The following ITGB5 variants were observed in gnomAD, a reference collection of about 807,000 sequenced individuals.
The protein encoded by ITGB5 is integrin subunit beta 5.
In ITGB5, 38 loss-of-function variants were observed where a neutral mutation model predicts 84.8. The ratio of observed to expected loss-of-function variants is 0.45; its 90% CI spans 0.35 to 0.59. The LOEUF (loss-of-function observed/expected upper bound fraction) is 0.59, where lower values mean the gene tolerates loss of function less well. ITGB5 is among the 20% of genes least tolerant of loss of function. The pLI is 0.01. For missense variants in ITGB5, 905 were observed against 1,034.5 expected (o/e 0.87, Z 1.72); for synonymous variants, 393 against 414.4 (o/e 0.95, Z 0.63).
intron 9 of ITGB5, among the ~76,000 whole-genome samples, chr3:124,797,906 G>A (rs186070050): frequency 3.3e-5 from 5 of 151,926 alleles, no homozygotes; most frequent in Admixed American, 6.6e-5. Flanking sequence ...ACAGAGGCCC[G>A]GCCCACCCCA....
intron 13 of ITGB5, 124 bp downstream of exon 13, chr3:124,766,102 T>A: frequency 1.1e-5 from 9 of 822,786 alleles, no homozygotes; most frequent in Non-Finnish European, 1.7e-5. Context: ...GTATCCCTCC[T>A]CTCCCTGCAG....
At chr3:124,815,125 T>C (rs540205048) in intron 8 of ITGB5, among the ~76,000 whole-genome samples, 22 of 152,338 alleles carry the variant, frequency 1.4e-4, no homozygotes, top group African/African-American at 4.3e-4. Context: ...TGAGATCCCA[T>C]GCATGGAACC....
chr3:124,801,138 G>C (rs902454965), intron 9 of ITGB5, among the ~76,000 whole-genome samples: 1 of 152,168 alleles, frequency 6.6e-6, no homozygotes, highest in African/African-American at 2.4e-5. Context: ...GGAGTGGACG[G>C]GAGCGGGGAG....
chr3:124,769,338 A>G (rs2291084), intron 11 of ITGB5: 18,422 of 506,652 alleles, frequency 0.036, 994 homozygotes, highest in East Asian at 0.14. Context: ...TCTTGTCTAC[A>G]TGTCAGGTTG....
intron 8 of ITGB5, among the ~76,000 whole-genome samples, chr3:124,810,382 C>G (rs186826725): frequency 6.6e-6 from 1 of 152,190 alleles, no homozygotes; most frequent in African/African-American, 2.4e-5. Flanking sequence ...GTGTGTTTGG[C>G]CTTGGTGCTG....
At chr3:124,812,315 G>T (rs1012767129) in intron 8 of ITGB5, among the ~76,000 whole-genome samples, 1 of 152,198 alleles carries the variant, frequency 6.6e-6, no homozygotes, top group African/African-American at 2.4e-5. Context: ...ATGATGTTGG[G>T]AATGTCAGAA....
intron 1 of ITGB5, among the ~76,000 whole-genome samples, chr3:124,899,749 G>C (rs1935181043): frequency 6.7e-6 from 1 of 149,758 alleles, no homozygotes; most frequent in African/African-American, 2.5e-5. Flanking sequence ...CACCACTCAG[G>C]AGGCTGAAGT....
chr3:124,764,882 T>C (rs2063745063), intron 13 of ITGB5, among the ~76,000 whole-genome samples: 1 of 152,180 alleles, frequency 6.6e-6, no homozygotes, highest in South Asian at 2.1e-4. Flanking sequence ...AGCTTTCGTG[T>C]ACATGGTTTC....
At chr3:124,765,854 C>T (rs965537929) in intron 13 of ITGB5, among the ~76,000 whole-genome samples, 3 of 152,022 alleles carry the variant, frequency 2.0e-5, no homozygotes, top group East Asian at 1.9e-4. Flanking sequence ...CCCAGGAGTT[C>T]GAGACCAGCC....
At chr3:124,870,841 A>G (rs1933986803) in intron 2 of ITGB5, among the ~76,000 whole-genome samples, 1 of 152,164 alleles carries the variant, frequency 6.6e-6, no homozygotes, top group African/African-American at 2.4e-5. Flanking sequence ...AGACAGATGG[A>G]GACAGTCAGG....
rs1269880993 is a variant in ITGB5, at chr3:124,887,058, C to CGGGGCT, written c.-64_-59dup. On this transcript the variant is annotated 5_prime_UTR_variant, in exon 1 of 15. Coordinates refer to ENST00000296181, the MANE Select transcript of ITGB5 (RefSeq NM_002213.5). ...GCTGCACTCCGCGGGGGCCGGCGGCCGGGGCTGGGGCCGGAGCGCGGGGGC... is the reference window on the plus strand; with the variant it reads ...GCTGCACTCCGCGGGGGCCGGCGGCCGGGGCTGGGGCTGGGGCCGGAGCGCGGGGGC... 17 of 830,614 alleles carry CGGGGCT rather than the reference C, an allele frequency of 2.0e-5. No individual in the cohort carries two copies. Among genetic ancestry groups the CGGGGCT allele is most frequent in the African/African-American group, 3.7e-5 (2 of 53,646 alleles). 51.5% of individuals were successfully genotyped at this position (830,614 alleles called of 1,614,324 possible). A position where few individuals can be genotyped will look rare whatever the true frequency, so the allele number is the denominator to read the frequency against.
chr3:124,773,944 G>A, intron 10 of ITGB5, 32 bp from the exon 11 acceptor site: 1 of 1,593,286 alleles, frequency 6.3e-7, no homozygotes, highest in Non-Finnish European at 8.6e-7. Context: ...ATCAGCACCT[G>A]CTCACCTTTA....
chr3:124,777,330 C>T (rs1432890844), intron 10 of ITGB5, among the ~76,000 whole-genome samples: 3 of 152,186 alleles, frequency 2.0e-5, no homozygotes, highest in Admixed American at 6.5e-5. Flanking sequence ...GTGGGAGCCA[C>T]GGAGGGGCTG....
At chr3:124,811,279 T>C (rs1425145279) in intron 8 of ITGB5, among the ~76,000 whole-genome samples, 4 of 152,178 alleles carry the variant, frequency 2.6e-5, no homozygotes, top group Non-Finnish European at 5.9e-5. Context: ...CAATCTGTCG[T>C]TGAATGAATA....
intron 2 of ITGB5, among the ~76,000 whole-genome samples, chr3:124,860,038 T>C (rs2065274779): frequency 6.6e-6 from 1 of 152,226 alleles, no homozygotes; most frequent in African/African-American, 2.4e-5. Flanking sequence ...TCACTTATCA[T>C]CTTTCACAGG....
rs1164697358 is a variant in ITGB5 at position 124,796,418 on chromosome 3, A to G, written c.1663T>C (p.Cys555Arg). Reference protein sequence around the residue: ...GPFCECDNFSCARNKGVLCSG... With the variant: ...GPFCECDNFSRARNKGVLCSG... ...CAGAGGACTCCCTTGTTCCTGGCAC[A>G]GGAGAAGTTGTCGCACTCACAGAAA... is the stretch of plus-strand genomic sequence containing the variant. Residue 555 changes from cysteine to arginine, a missense_variant, in exon 10 of 15, where the codon TGT becomes CGT. Cys to Arg is a radical substitution (Grantham distance 180). This residue lies in a region of ITGB5 where 656 missense variants were observed against 734.7 expected (regional missense o/e 0.89). Transcript: ENST00000296181. 6 of 1,613,504 alleles carry G rather than the reference A, an allele frequency of 3.7e-6. No individual in the cohort carries two copies. In the South Asian group the frequency reaches 6.6e-5, roughly 18 times the overall value.
At chr3:124,888,767 G>A (rs1934928732), upstream of ITGB5, among the ~76,000 whole-genome samples, 1 of 152,166 alleles carries the variant, frequency 6.6e-6, no homozygotes, top group Admixed American at 6.5e-5. Context: ...TCTCACCTTT[G>A]CAGGCCAGGG....
rs962620832 is a variant in ITGB5, at chr3:124,767,489, C to A, written c.2018-1144G>T. 2.0e-5 allele frequency among the ~76,000 whole-genome samples: 3 copies of A among 152,212 alleles called. No homozygotes were observed. The South Asian group carries it at 6.2e-4, about 32-fold the overall frequency. ...AGGACTGGGTTGGGAAGCAGCTGTGCATGAACGGCTGTCACTGCTATAAAC... is the reference window on the plus strand; with the variant it reads ...AGGACTGGGTTGGGAAGCAGCTGTGAATGAACGGCTGTCACTGCTATAAAC... On this transcript the variant is annotated intron_variant, in intron 12 of 14. Coordinates refer to ENST00000296181, the MANE Select transcript of ITGB5 (RefSeq NM_002213.5).
rs1412709056 is a variant in ITGB5, at chr3:124,763,539, G to A, written c.*84C>T. On this transcript the variant is annotated 3_prime_UTR_variant, in exon 15 of 15. Transcript: ENST00000296181. ...CTCTGTGGTGCCTACCTAGGGAGCT[G>A]TGATCAAGCCGAGCAGCCGTGCAAG... The A allele has an allele frequency of 1.2e-6, 1 of 804,470 alleles. No individual in the cohort carries two copies. The highest frequency in any genetic ancestry group is 2.1e-6 in the Non-Finnish European group (1 of 469,184). The allele number at this position is 804,470 out of a possible 1,614,324, so 49.8% of individuals were successfully genotyped here.
Sources: gnomAD v4.1 joint callset for allele counts (sites outside exome capture counted in the v4.1 genomes callset) on GRCh38, gnomAD v4.1.1 for gene constraint, gnomAD v4.1.1 regional missense constraint, MANE v1.5 for transcripts, NCBI Gene and HGNC (gene_info 2026-07-23, HGNC 2026-07-21) for gene names.